RHOA: variants seen among roughly 807,000 people sequenced by gnomAD.
RHOA encodes transforming protein RhoA.
A neutral mutation model predicts 17.5 loss-of-function variants in RHOA; 3 were observed. That is an observed-to-expected ratio of 0.17 (90% CI 0.08 to 0.44). RHOA has a LOEUF of 0.44. Ranked by LOEUF, RHOA falls within the 20% of genes least tolerant of loss-of-function variation. RHOA has a pLI of 0.99. For synonymous variants in RHOA, 98 were observed against 88.4 expected (o/e 1.11, Z -0.61); for missense variants, 56 against 242.3 (o/e 0.23, Z 5.10).
At chr3:49,405,201 T>C (rs1175363210) in intron 1 of RHOA, among the ~76,000 whole-genome samples, 3 of 141,888 alleles carry the variant, frequency 2.1e-5, no homozygotes, top group African/African-American at 8.1e-5. Context: ...GAGGTTGCAG[T>C]GAGCCGAGAT....
At chr3:49,402,510 TAA>T (rs1053604631) in intron 1 of RHOA, among the ~76,000 whole-genome samples, 1 of 151,432 alleles carries the variant, frequency 6.6e-6, no homozygotes, top group African/African-American at 2.4e-5. Context: ...GTCATCTCTA[TAA>T]AAATTAAATT....
chr3:49,374,586 G>A (rs929291641), intron 2 of RHOA, among the ~76,000 whole-genome samples: 10 of 151,842 alleles, frequency 6.6e-5, no homozygotes, highest in Non-Finnish European at 1.2e-4. Flanking sequence ...GCATGGCGGC[G>A]TGCGCCTGTA....
chr3:49,374,545 T>C (rs1447419252), intron 2 of RHOA, among the ~76,000 whole-genome samples: 3 of 149,908 alleles, frequency 2.0e-5, no homozygotes, highest in Non-Finnish European at 4.5e-5. Flanking sequence ...ATGGCAAAAT[T>C]GCATCTTTAC....
chr3:49,406,275 T>C (rs1330546079), intron 1 of RHOA, among the ~76,000 whole-genome samples: 1 of 152,062 alleles, frequency 6.6e-6, no homozygotes, highest in Non-Finnish European at 1.5e-5. Flanking sequence ...GAGCATATGA[T>C]CTCTAGGTCC....
intron 4 of RHOA, among the ~76,000 whole-genome samples, chr3:49,360,624 C>T (rs566677676): frequency 4.6e-5 from 7 of 152,074 alleles, no homozygotes; most frequent in South Asian, 4.2e-4. Flanking sequence ...CCCACCACCA[C>T]GCCCAAGTAA....
At chr3:49,369,052 T>G (rs2107840091) in intron 2 of RHOA, among the ~76,000 whole-genome samples, 3 of 113,206 alleles carry the variant, frequency 2.7e-5, no homozygotes, top group Non-Finnish European at 3.5e-5. Flanking sequence ...TGAGACGGAG[T>G]CTTACTCTGT....
chr3:49,397,177 G>T (rs939121274), intron 1 of RHOA, among the ~76,000 whole-genome samples: 40 of 147,904 alleles, frequency 2.7e-4, no homozygotes, highest in African/African-American at 9.4e-4. Context: ...CAACATGGAT[G>T]AACCTTTAAA....
At position 49,399,807 on chromosome 3, in the gene RHOA, C is replaced by T. The variant is rs537618800; in HGVS notation, c.-3+12013G>A. On this transcript the variant is annotated intron_variant, in intron 1 of 4. Transcript: ENST00000418115. ...TTACCAAATAAAACTATTATGTTTT[C>T]GAACAAGATAAATTTTTAAATGTAG... Among the ~76,000 whole-genome samples, 11 of 151,996 alleles carry T rather than the reference C, an allele frequency of 7.2e-5. No individual in the cohort carries two copies. In the South Asian group the frequency reaches 1.7e-3, roughly 23 times the overall value.
At chr3:49,369,762 T>A (rs1363360379) in intron 2 of RHOA, among the ~76,000 whole-genome samples, 24 of 140,198 alleles carry the variant, frequency 1.7e-4, no homozygotes, top group African/African-American at 5.9e-4. Context: ...AAAAAATAAA[T>A]AAAATAAAAC....
chr3:49,380,450 G>A (rs1243756813), intron 1 of RHOA, among the ~76,000 whole-genome samples: 1 of 152,126 alleles, frequency 6.6e-6, no homozygotes, highest in Non-Finnish European at 1.5e-5. Context: ...ATTCACGCCT[G>A]TAATCCCAGC....
intron 1 of RHOA, among the ~76,000 whole-genome samples, chr3:49,375,819 C>T (rs988553027): frequency 2.6e-5 from 4 of 151,880 alleles, no homozygotes; most frequent in Non-Finnish European, 4.4e-5. Context: ...CCCCTAAGAT[C>T]AGGAACAAGA....
intron 1 of RHOA, among the ~76,000 whole-genome samples, chr3:49,386,743 T>G (rs1027804304): frequency 8.5e-5 from 13 of 152,180 alleles, no homozygotes; most frequent in African/African-American, 3.1e-4. Flanking sequence ...TTTCCTTAAC[T>G]TCACAAACTC....
intron 1 of RHOA, among the ~76,000 whole-genome samples, chr3:49,410,627 A>T (rs1432800491): frequency 6.6e-6 from 1 of 152,248 alleles, no homozygotes; most frequent in Non-Finnish European, 1.5e-5. Context: ...TCAAAACAGT[A>T]TCTCCGCCAA....
rs144310262 is a variant in RHOA at position 49,390,427 on chromosome 3, C to T, written c.-2-14836G>A. Among the ~76,000 whole-genome samples the T allele has an allele frequency of 4.7e-3, 717 of 152,200 alleles. 9 individuals are homozygous for T. The highest frequency in any genetic ancestry group is 0.016 in the African/African-American group (648 of 41,518). ...TACAGGCGTGAGCCACTGCACCCAG[C>T]CTTAATTTTTGTATTTTTTGTAGAG... On this transcript the variant is annotated intron_variant, in intron 1 of 4. Transcript: ENST00000418115.
rs2107896896 is a variant in RHOA, at chr3:49,399,507, CAG to C, written c.-3+12311_-3+12312del. ...CATAGATATACAAAACAGGGCTTGA[CAG>C]AGGTGTACAATATTCACCAATAGAC... On this transcript the variant is annotated intron_variant, in intron 1 of 4. Coordinates refer to ENST00000418115, the MANE Select transcript of RHOA (RefSeq NM_001664.4). Among the ~76,000 whole-genome samples, 3 of 151,780 alleles carry C rather than the reference CAG, an allele frequency of 2.0e-5. No homozygotes were observed. In the East Asian group the frequency reaches 5.8e-4, roughly 29 times the overall value.
chr3:49,411,815 C>T lies in RHOA; in HGVS notation c.-3+5G>A, dbSNP rs570604690. The T allele has an allele frequency of 1.3e-5, 2 of 152,086 alleles. No individual in the cohort carries two copies. The highest frequency in any genetic ancestry group is 4.1e-4 in the South Asian group (2 of 4,848). The allele number at this position is 152,086 out of a possible 1,614,324, so 9.4% of individuals were successfully genotyped here. A position where few individuals can be genotyped will look rare whatever the true frequency, so the allele number is the denominator to read the frequency against. On this transcript the variant is annotated splice_donor_5th_base_variant and intron_variant, in intron 1 of 4. Transcript: ENST00000418115. ...GCGGCGCCTGGAGGGAACCCTTCCG[C>T]TCACCTCAGGCAACGAATCCGAGTC...
intron 1 of RHOA, among the ~76,000 whole-genome samples, chr3:49,397,696 GA>G (rs2048640846): frequency 6.6e-6 from 1 of 152,090 alleles, no homozygotes; most frequent in Non-Finnish European, 1.5e-5. Context: ...TGATGCAGGA[GA>G]GCAGAGAACT....
chr3:49,360,866 G>A (rs767423224), intron 4 of RHOA: 52 of 261,718 alleles, frequency 2.0e-4, no homozygotes, highest in Non-Finnish European at 3.5e-4. Context: ...ACGAGTTTAG[G>A]AGATCAAGAC....
rs61556875 is a variant in RHOA, at chr3:49,407,232, G to GTT, written c.-3+4586_-3+4587dup. ...AAATTAATATTATGAAATCCTTTCC[G>GTT]TTTTTTTTTTTTTTTTTTTTTTTTT... On this transcript the variant is annotated intron_variant, in intron 1 of 4. Coordinates refer to ENST00000418115, the MANE Select transcript of RHOA (RefSeq NM_001664.4). 8.7e-3 allele frequency among the ~76,000 whole-genome samples: 606 copies of GTT among 70,040 alleles called. 13 individuals are homozygous for GTT. Among genetic ancestry groups the GTT allele is most frequent in the Middle Eastern group, 0.01 (1 of 96 alleles). 45.9% of individuals were successfully genotyped at this position (70,040 alleles called of 152,430 possible).
Sources: allele counts gnomAD v4.1 joint callset (sites outside exome capture counted in the v4.1 genomes callset), GRCh38; gene constraint gnomAD v4.1.1; transcripts MANE v1.5; gene names NCBI Gene and HGNC (gene_info 2026-07-23, HGNC 2026-07-21).